The following CTNNA2 variants were observed in gnomAD, a reference collection of about 807,000 sequenced individuals.
CTNNA2 encodes catenin alpha 2, also known as catenin alpha-2.
Under a neutral mutation model 101.0 loss-of-function variants are expected in CTNNA2, and 42 were observed. That is an observed-to-expected ratio of 0.42 (90% confidence interval 0.32 to 0.54). CTNNA2 has a LOEUF of 0.54. Among genes scored for constraint, CTNNA2 ranks in the 20% least tolerant of loss-of-function variants. The pLI is 0.14. For missense variants in CTNNA2, 871 were observed against 1,223.1 expected, an observed-to-expected ratio of 0.71 and a Z score of 4.29; for synonymous variants, 450 against 456.4, an observed-to-expected ratio of 0.99 and a Z score of 0.18.
chr2:79,612,745 A>T (rs1678365360), intron 1 of CTNNA2, among the ~76,000 whole-genome samples: 1 of 152,102 alleles, frequency 6.6e-6, no homozygotes, highest in Admixed American at 6.6e-5. Context: ...ACAATAGAAA[A>T]ATTACCTAGT....
At chr2:79,852,869 C>G (rs984044728) in intron 3 of CTNNA2, among the ~76,000 whole-genome samples, 2 of 151,814 alleles carry the variant, frequency 1.3e-5, no homozygotes, top group African/African-American at 4.8e-5. Context: ...GGATTACAGG[C>G]GTGAGCCACC....
In CTNNA2 at chr2:79,894,053, CTTCT is replaced by C. The variant is rs1558619647; in HGVS notation, c.853-15539_853-15536del. The stretch of plus-strand genomic sequence containing the variant: ...TCTTCTTCTTCTTCTTCTTCTTCTT[CTTCT>C]TCTTCTTCCTCCTCCTCCTCCTCCT... On this transcript the variant is annotated intron_variant, in intron 6 of 18. Transcript: ENST00000402739. Among the ~76,000 whole-genome samples, 140 of 119,250 alleles carry C rather than the reference CTTCT, an allele frequency of 1.2e-3. 1 individual carries two copies. The highest frequency in any genetic ancestry group is 4.0e-3 in the African/African-American group (133 of 33,212). 78.2% of individuals were successfully genotyped at this position (119,250 alleles called of 152,430 possible).
intron 2 of CTNNA2, among the ~76,000 whole-genome samples, chr2:79,207,872 T>C (rs777776144): frequency 2.6e-5 from 4 of 152,182 alleles, no homozygotes; most frequent in Non-Finnish European, 4.4e-5. Context: ...TGCCTTGTTT[T>C]GCAAGATTTT....
At chr2:80,087,186 C>A (rs1413154984) in intron 7 of CTNNA2, among the ~76,000 whole-genome samples, 1 of 151,982 alleles carries the variant, frequency 6.6e-6, no homozygotes, top group Non-Finnish European at 1.5e-5. Context: ...CTTGCAAATT[C>A]TAATTGTCTA....
At chr2:79,647,421 A>C (rs1255105876) in intron 1 of CTNNA2, among the ~76,000 whole-genome samples, 1 of 152,192 alleles carries the variant, frequency 6.6e-6, no homozygotes, top group East Asian at 1.9e-4. Flanking sequence ...AATCCTTATT[A>C]TCCTGATTTT....
chr2:79,478,832 C>T (rs568919196), intron 4 of CTNNA2, among the ~76,000 whole-genome samples: 6 of 152,232 alleles, frequency 3.9e-5, no homozygotes, highest in African/African-American at 1.4e-4. Flanking sequence ...CCAACTGGCC[C>T]ACTGGAAATA....
chr2:80,249,116 A>G (rs1183713128), intron 7 of CTNNA2, among the ~76,000 whole-genome samples: 2 of 152,138 alleles, frequency 1.3e-5, no homozygotes, highest in African/African-American at 2.4e-5. Flanking sequence ...TCATTTCCAC[A>G]GCATGCTTTT....
rs1673257066 is a variant in CTNNA2 at position 79,539,220 on chromosome 2, G to T, written c.-6+26013G>T. On this transcript the variant is annotated intron_variant, in intron 1 of 18. Transcript: ENST00000402739. Reference sequence around the variant, plus strand: ...ACACTATGGGGAAATATATTAATAGGAGTGAGGCATGCAAATGGCAGGAAG... The same window carrying T: ...ACACTATGGGGAAATATATTAATAGTAGTGAGGCATGCAAATGGCAGGAAG... Among the ~76,000 whole-genome samples the T allele has an allele frequency of 2.6e-5, 4 of 152,214 alleles. 1 individual carries two copies. In the South Asian group the frequency reaches 8.3e-4, roughly 32 times the overall value.
intron 7 of CTNNA2, among the ~76,000 whole-genome samples, chr2:80,196,342 T>G (rs1302089961): frequency 6.6e-6 from 1 of 152,162 alleles, no homozygotes; most frequent in African/African-American, 2.4e-5. Context: ...CAGCCATCAT[T>G]TCAGCTTTGG....
intron 4 of CTNNA2, among the ~76,000 whole-genome samples, chr2:79,457,446 T>A (rs2104532224): frequency 6.6e-6 from 1 of 152,276 alleles, no homozygotes; most frequent in Non-Finnish European, 1.5e-5. Flanking sequence ...AAATATTGAT[T>A]TTCAAACATG....
At chr2:80,576,808 A>AAAT (rs59461992) in intron 13 of CTNNA2, among the ~76,000 whole-genome samples, 1 of 149,320 alleles carries the variant, frequency 6.7e-6, no homozygotes, top group Non-Finnish European at 1.5e-5. Flanking sequence ...AAAAAAAAAA[A>AAAT]TACAAAAATC....
chr2:79,525,152 A>G (rs560213518), intron 1 of CTNNA2, among the ~76,000 whole-genome samples: 1 of 152,032 alleles, frequency 6.6e-6, no homozygotes, highest in Admixed American at 6.6e-5. Context: ...TTCCACATCC[A>G]TCATTGTTTG....
At chr2:80,181,021 A>G (rs1326485041) in intron 7 of CTNNA2, among the ~76,000 whole-genome samples, 1 of 152,136 alleles carries the variant, frequency 6.6e-6, no homozygotes, top group Non-Finnish European at 1.5e-5. Flanking sequence ...ATCCATTCCC[A>G]TGCCTGTTTT....
chr2:79,213,739 A>C (rs936792806), intron 2 of CTNNA2, among the ~76,000 whole-genome samples: 3 of 152,194 alleles, frequency 2.0e-5, no homozygotes, highest in Non-Finnish European at 4.4e-5. Context: ...AAGTCCGGGC[A>C]AGGAACAATG....
At chr2:80,291,124 G>C (rs1675200800) in intron 7 of CTNNA2, among the ~76,000 whole-genome samples, 1 of 152,198 alleles carries the variant, frequency 6.6e-6, no homozygotes, top group South Asian at 2.1e-4. Context: ...TTGCAAACGA[G>C]AATGTTCCCT....
intron 3 of CTNNA2, among the ~76,000 whole-genome samples, chr2:79,774,843 A>G (rs1673845253): frequency 6.6e-6 from 1 of 152,218 alleles, no homozygotes; most frequent in Non-Finnish European, 1.5e-5. Flanking sequence ...GGAAAGGAAT[A>G]GATTCCTAAG....
chr2:79,236,444 T>A (rs1237763611), intron 2 of CTNNA2, among the ~76,000 whole-genome samples: 1 of 152,188 alleles, frequency 6.6e-6, no homozygotes, highest in East Asian at 1.9e-4. Context: ...TCATAATCAT[T>A]TTGCTGGTGG....
At chr2:79,528,308 C>A (rs1323562687) in intron 1 of CTNNA2, among the ~76,000 whole-genome samples, 1 of 151,952 alleles carries the variant, frequency 6.6e-6, no homozygotes, top group East Asian at 1.9e-4. Flanking sequence ...AACTCCTAGA[C>A]ACACACGATC....
intron 1 of CTNNA2, among the ~76,000 whole-genome samples, chr2:79,528,894 G>T (rs1672574139): frequency 6.6e-6 from 1 of 152,078 alleles, no homozygotes; most frequent in Non-Finnish European, 1.5e-5. Context: ...CTACCCTTAG[G>T]ACATCTAATG....
Sources: allele counts gnomAD v4.1 joint callset (sites outside exome capture counted in the v4.1 genomes callset), GRCh38; gene constraint gnomAD v4.1.1; transcripts MANE v1.5; gene names NCBI Gene and HGNC (gene_info 2026-07-23, HGNC 2026-07-21).